The following SEPTIN6 variants were observed in gnomAD, a reference collection of about 807,000 sequenced individuals.
SEPTIN6 encodes the protein septin 6, also known as septin-6.
Under a neutral mutation model 33.6 loss-of-function variants are expected in SEPTIN6, and 8 were observed. The observed-to-expected ratio is 0.24, with a 90% CI of 0.14 to 0.43. The LOEUF is 0.43. Among genes scored for constraint, SEPTIN6 ranks in the 20% least tolerant of loss-of-function variants. SEPTIN6 has a pLI of 1.00. For missense variants in SEPTIN6, 250 were observed against 340.8 expected (o/e 0.73, Z 2.10); for synonymous variants, 131 against 140.0 (o/e 0.94, Z 0.45).
intron 2 of SEPTIN6, among the ~76,000 whole-genome samples, chrX:119,664,483 T>C (rs2054600752): frequency 9.0e-6 from 1 of 110,895 alleles, no homozygotes; most frequent in South Asian, 3.7e-4. Context: ...AAGTGGAATA[T>C]GTATAGTTTT....
chrX:119,660,467 C>A (rs370534901), intron 3 of SEPTIN6, among the ~76,000 whole-genome samples: 23 of 111,926 alleles, frequency 2.1e-4, no homozygotes, highest in African/African-American at 7.1e-4. Flanking sequence ...CGGGAAGAAA[C>A]AATAGGGATA....
chrX:119,633,393 C>T lies in SEPTIN6; in HGVS notation c.1056G>A (p.Glu352=), dbSNP rs749592646. 8.3e-7 allele frequency: 1 copy of T among 1,210,964 alleles called. No individual in the cohort carries two copies. The highest frequency in any genetic ancestry group is 1.8e-5 in the South Asian group (1 of 56,838). The change falls in exon 8 of 11, where the codon GAG becomes GAA. Residue 352 remains glutamate (E), a synonymous_variant. Coordinates refer to ENST00000394610, the MANE Select transcript of SEPTIN6 (RefSeq NM_145799.4). ...CTGCCTCTTTGAGCTCCGCTTCTTT[C>T]TCTTTGACTCGCTGGACGAACATCT... ...MRQMFVQRVK[E]KEAELKEAEK...
At chrX:119,691,259 A>C (rs1179348963) in intron 1 of SEPTIN6, among the ~76,000 whole-genome samples, 1 of 112,044 alleles carries the variant, frequency 8.9e-6, no homozygotes, top group Non-Finnish European at 1.9e-5. Context: ...CTGCCCTGCA[A>C]TCCTAATCCA....
At chrX:119,687,424 A>T (rs1603352857) in intron 1 of SEPTIN6, among the ~76,000 whole-genome samples, 1 of 109,117 alleles carries the variant, frequency 9.2e-6, no homozygotes, top group Admixed American at 9.8e-5. Flanking sequence ...CTAATTTTTT[A>T]ATTTTTAGTA....
At chrX:119,664,908 C>T (rs1266640570) in intron 2 of SEPTIN6, among the ~76,000 whole-genome samples, 1 of 108,292 alleles carries the variant, frequency 9.2e-6, no homozygotes, top group African/African-American at 3.4e-5. Context: ...CCAGTCCCCA[C>T]CTCTCCTCCC....
At chrX:119,625,798 G>A (rs1349549733) in intron 9 of SEPTIN6, among the ~76,000 whole-genome samples, 4 of 111,274 alleles carry the variant, frequency 3.6e-5, no homozygotes, top group African/African-American at 1.3e-4. Context: ...GCAATCCTTC[G>A]CCTTGGCCTC....
intron 6 of SEPTIN6, among the ~76,000 whole-genome samples, chrX:119,640,263 C>T (rs1456761982): frequency 9.4e-6 from 1 of 105,864 alleles, no homozygotes; most frequent in African/African-American, 3.5e-5. Context: ...TCGTGATCCG[C>T]CCGCCTCGGC....
At chrX:119,633,339 A>T (rs751136768) in intron 8 of SEPTIN6, 21 bp downstream of exon 8, 3 of 1,187,058 alleles carry the variant, frequency 2.5e-6, no homozygotes, top group Non-Finnish European at 3.4e-6. Flanking sequence ...ACATTTTAAT[A>T]ATCACCAGGC....
chrX:119,633,354 A>G lies in SEPTIN6; in HGVS notation c.1089+6T>C, dbSNP rs1051876801. 2 of 1,203,394 alleles carry G rather than the reference A, an allele frequency of 1.7e-6. No homozygotes were observed. Among genetic ancestry groups the G allele is most frequent in the African/African-American group, 3.5e-5 (2 of 57,266 alleles). The stretch of plus-strand genomic sequence containing the variant: ...ACATTTTAATAATCACCAGGCTCAC[A>G]TTTACCTCTTTCTCTGCCTCTTTGA... On this transcript the variant is annotated splice_donor_region_variant and intron_variant, in intron 8 of 10. Coordinates refer to ENST00000394610, the MANE Select transcript of SEPTIN6 (RefSeq NM_145799.4).
chrX:119,673,265 AGGTG>A (rs2054777539), intron 2 of SEPTIN6, among the ~76,000 whole-genome samples: 1 of 111,152 alleles, frequency 9.0e-6, no homozygotes, highest in Non-Finnish European at 1.9e-5. Context: ...TTGGAGGCTG[AGGTG>A]GGAGGAATGC....
rs1459525611 is a variant in SEPTIN6 at position 119,681,127 on chromosome X, C to A, written c.31-5459G>T. Among the ~76,000 whole-genome samples, 3 of 110,985 alleles carry A rather than the reference C, an allele frequency of 2.7e-5. No homozygotes were observed. The South Asian group carries it at 1.1e-3, about 42-fold the overall frequency. ...TCCGCATTGTTCAGAGTTAAATACG[C>A]AAAGGTAGGAAGGACAGAAGGACAC... On this transcript the variant is annotated intron_variant, in intron 1 of 10. Coordinates refer to ENST00000394610, the MANE Select transcript of SEPTIN6 (RefSeq NM_145799.4).
intron 3 of SEPTIN6, among the ~76,000 whole-genome samples, chrX:119,661,041 C>CAAAA (rs58898121): frequency 3.1e-4 from 3 of 9,529 alleles, no homozygotes; most frequent in African/African-American, 8.0e-4. Flanking sequence ...GACTCCATCT[C>CAAAA]AAAAAAAAAA....
intron 4 of SEPTIN6, among the ~76,000 whole-genome samples, chrX:119,652,105 G>A (rs964454867): frequency 3.6e-5 from 4 of 111,635 alleles, no homozygotes; most frequent in Admixed American, 9.5e-5. Context: ...TGTATTTTTA[G>A]TAGAGACGGG....
At chrX:119,677,969 G>C (rs1296934780) in intron 1 of SEPTIN6, among the ~76,000 whole-genome samples, 1 of 112,770 alleles carries the variant, frequency 8.9e-6, no homozygotes, top group Non-Finnish European at 1.9e-5. Flanking sequence ...GCAGTGGCTC[G>C]CACCTGCAAT....
intron 5 of SEPTIN6, among the ~76,000 whole-genome samples, chrX:119,642,963 G>T (rs1052831702): frequency 9.0e-6 from 1 of 111,351 alleles, no homozygotes; most frequent in Non-Finnish European, 1.9e-5. Flanking sequence ...TGGAAGGTGG[G>T]TGTGGGGTGG....
chrX:119,639,838 C>A (rs1363964808), intron 6 of SEPTIN6, among the ~76,000 whole-genome samples: 2 of 111,365 alleles, frequency 1.8e-5, no homozygotes, highest in Admixed American at 9.5e-5. Context: ...GAATCTCACT[C>A]TGTCGCCCAG....
chrX:119,652,770 A>G (rs1569430646), intron 4 of SEPTIN6, 84 bp downstream of exon 4: 1 of 836,550 alleles, frequency 1.2e-6, no homozygotes, highest in African/African-American at 2.0e-5. Context: ...GGATGCCACA[A>G]ATCTCTCCCG....
At chrX:119,650,601 G>A (rs1291916105) in intron 4 of SEPTIN6, among the ~76,000 whole-genome samples, 1 of 111,234 alleles carries the variant, frequency 9.0e-6, no homozygotes, top group Non-Finnish European at 1.9e-5. Context: ...CAGGGGAGAG[G>A]TGGCCTCTTC....
intron 3 of SEPTIN6, among the ~76,000 whole-genome samples, chrX:119,656,753 G>A (rs753038850): frequency 1.3e-4 from 15 of 111,753 alleles, no homozygotes; most frequent in African/African-American, 4.5e-4. Context: ...GGGCATGGTG[G>A]CGTGCGCCTG....
Sources: allele counts gnomAD v4.1 joint callset (sites outside exome capture counted in the v4.1 genomes callset), GRCh38; gene constraint gnomAD v4.1.1; transcripts MANE v1.5; gene names NCBI Gene and HGNC (gene_info 2026-07-23, HGNC 2026-07-21).